MTHFD1L: variants seen among roughly 807,000 people sequenced by gnomAD.
MTHFD1L encodes methylenetetrahydrofolate dehydrogenase (NADP+ dependent) 1 like.
In MTHFD1L, 81 loss-of-function variants were observed where a neutral mutation model predicts 119.5. The observed-to-expected ratio is 0.68, with a 90% CI of 0.57 to 0.82. The LOEUF (loss-of-function observed/expected upper bound fraction) is 0.82, where lower values mean the gene tolerates loss of function less well. Among genes scored for constraint, MTHFD1L ranks in the 40% least tolerant of loss-of-function variants. MTHFD1L has a pLI of 0.00. For synonymous variants in MTHFD1L, 430 were observed against 475.2 expected (o/e 0.90, Z 1.24); for missense variants, 1,125 against 1,253.4 (o/e 0.90, Z 1.55).
chr6:150,902,217 C>T (rs773118286), intron 7 of MTHFD1L, among the ~76,000 whole-genome samples: 25 of 152,172 alleles, frequency 1.6e-4, no homozygotes, highest in Non-Finnish European at 2.8e-4. Flanking sequence ...TATTCAGATG[C>T]TTGTCCCTCC....
At chr6:150,938,918 C>CTA (rs1319799263) in intron 13 of MTHFD1L, among the ~76,000 whole-genome samples, 173 bp downstream of exon 13, 2 of 152,140 alleles carry the variant, frequency 1.3e-5, no homozygotes, top group African/African-American at 2.4e-5. Flanking sequence ...CTAGTATTTA[C>CTA]TGTGATGAGC....
intron 3 of MTHFD1L, 24 bp from the exon 4 acceptor site, chr6:150,877,749 A>C: frequency 6.2e-7 from 1 of 1,614,242 alleles, no homozygotes; most frequent in Non-Finnish European, 8.5e-7. Context: ...TATAGTGACG[A>C]ATAACCTTGT....
At chr6:150,912,325 G>C (rs1787054571) in intron 8 of MTHFD1L, among the ~76,000 whole-genome samples, 1 of 149,082 alleles carries the variant, frequency 6.7e-6, no homozygotes, top group Non-Finnish European at 1.5e-5. Context: ...AGTTCTACCT[G>C]TACTGATTTC....
At chr6:150,940,890 C>A (rs1247287989) in intron 13 of MTHFD1L, among the ~76,000 whole-genome samples, 2 of 152,038 alleles carry the variant, frequency 1.3e-5, no homozygotes, top group South Asian at 4.2e-4. Context: ...AAGAAGACTA[C>A]CTTATGAGGG....
intron 1 of MTHFD1L, among the ~76,000 whole-genome samples, chr6:150,868,758 T>A (rs1047872499): frequency 3.3e-5 from 5 of 152,142 alleles, no homozygotes; most frequent in Non-Finnish European, 7.4e-5. Context: ...GGTACATTTA[T>A]AACAAGAGAA....
chr6:151,054,542 A>G (rs1053335549), intron 26 of MTHFD1L, among the ~76,000 whole-genome samples: 2 of 152,204 alleles, frequency 1.3e-5, no homozygotes, highest in African/African-American at 2.4e-5. Flanking sequence ...TGTTATCAAC[A>G]TGCAGTCAGT....
chr6:151,007,965 G>A (rs1781634598), intron 20 of MTHFD1L, among the ~76,000 whole-genome samples: 2 of 152,248 alleles, frequency 1.3e-5, no homozygotes, highest in South Asian at 2.1e-4. Flanking sequence ...TATCCAAATT[G>A]AACATTTTTG....
Position 151,014,936 on chromosome 6 carries a change from T to C in MTHFD1L, c.2364T>C (p.Thr788=), listed in dbSNP as rs760845509. Reference sequence around the variant, plus strand: ...ACCTCCAGAAGCAAATTCAGATCACTCAGCTCTTTGGGGTTCCCGTTGTGG... The same window carrying C: ...ACCTCCAGAAGCAAATTCAGATCACCCAGCTCTTTGGGGTTCCCGTTGTGG... The part of the protein sequence containing the change: ...CCNLQKQIQI[T]QLFGVPVVVA... Residue 788 remains threonine, a synonymous_variant, in exon 23 of 28, where the codon ACT becomes ACC. Transcript: ENST00000367321. 5.6e-6 allele frequency: 9 copies of C among 1,614,108 alleles called. No homozygotes were observed. The East Asian group carries it at 6.7e-5, about 12-fold the overall frequency.
intron 13 of MTHFD1L, among the ~76,000 whole-genome samples, chr6:150,943,806 A>G (rs964486461): frequency 2.0e-5 from 3 of 152,254 alleles, no homozygotes; most frequent in Non-Finnish European, 4.4e-5. Context: ...AAGGAAAATA[A>G]CAGAATGAGT....
Position 150,926,572 on chromosome 6 carries a change from T to C in MTHFD1L, c.1256+277T>C, listed in dbSNP as rs75395177. ...ATTACCCCTGCTCCTCCTTGACTTT[T>C]TGAATTTCATTTTTCATTATAAAAA... On this transcript the variant is annotated intron_variant, in intron 11 of 27. Transcript: ENST00000367321. This position sits in a 1 kb window ranked among gnomAD's most constrained non-coding sequence, Gnocchi z 4.3. 6.6e-6 allele frequency among the ~76,000 whole-genome samples: 1 copy of C among 152,364 alleles called. No homozygotes were observed. The highest frequency in any genetic ancestry group is 1.9e-4 in the East Asian group (1 of 5,192).
intron 24 of MTHFD1L, chr6:151,022,351 T>C (rs766741066): frequency 1.3e-5 from 3 of 237,586 alleles, no homozygotes; most frequent in Non-Finnish European, 2.6e-5. Flanking sequence ...CACATTGAAA[T>C]AAACATTTAA....
At chr6:150,952,617 A>G (rs1270031466) in intron 16 of MTHFD1L, among the ~76,000 whole-genome samples, 2 of 151,834 alleles carry the variant, frequency 1.3e-5, no homozygotes, top group Admixed American at 6.6e-5. Flanking sequence ...GCAACCTCCA[A>G]CTCCCTGGAT....
chr6:151,009,739 C>T, intron 20 of MTHFD1L, 80 bp from the exon 21 acceptor site: 5 of 1,488,738 alleles, frequency 3.4e-6, no homozygotes, highest in Non-Finnish European at 4.6e-6. Context: ...GTCCTTTGAG[C>T]TCGAATCATA....
intron 27 of MTHFD1L, chr6:151,099,988 T>A: frequency 1.1e-5 from 8 of 758,672 alleles, no homozygotes; most frequent in East Asian, 2.5e-5. Context: ...CCATCTGGCA[T>A]CTTCCTTTAA....
chr6:151,050,408 C>T (rs1413083632), intron 26 of MTHFD1L, among the ~76,000 whole-genome samples: 5 of 152,176 alleles, frequency 3.3e-5, no homozygotes, highest in African/African-American at 9.7e-5. Context: ...GTGACCCGCC[C>T]GCCTTGGCCT....
chr6:150,912,579 G>A (rs1787102266), intron 8 of MTHFD1L: 3 of 359,062 alleles, frequency 8.4e-6, no homozygotes, highest in Admixed American at 6.2e-5. Context: ...TCCCAGGGTG[G>A]TCTCTGCACT....
chr6:151,053,864 A>G (rs1273545056), intron 26 of MTHFD1L, among the ~76,000 whole-genome samples: 1 of 152,016 alleles, frequency 6.6e-6, no homozygotes, highest in Non-Finnish European at 1.5e-5. Context: ...CATCTCAAAA[A>G]AAAAAAAAAA....
At position 151,015,667 on chromosome 6, in the gene MTHFD1L, C is replaced by T. The variant is rs1782942500; in HGVS notation, c.2560C>T (p.Arg854Ter). 1.2e-6 allele frequency: 2 copies of T among 1,613,790 alleles called. No individual in the cohort carries two copies. The highest frequency in any genetic ancestry group is 2.2e-5 in the East Asian group (1 of 44,880). The change falls in exon 24 of 28, where the codon CGA becomes TGA. Residue 854 changes from arginine to a stop codon, truncating the protein, a stop_gained. Coordinates refer to ENST00000367321, the MANE Select transcript of MTHFD1L (RefSeq NM_015440.5). LOFTEE classifies it high-confidence loss of function. ...AVREAASKRSRFQFLYDVQVP... is the reference protein window; with the variant it reads ...AVREAASKRS ...GAGAGAGGCTGCGAGTAAAAGAAGC[C>T]GATTCCAGTTCCTGTATGATGTTCA...
intron 26 of MTHFD1L, among the ~76,000 whole-genome samples, chr6:151,059,711 G>A (rs566228637): frequency 1.3e-5 from 2 of 151,646 alleles, no homozygotes; most frequent in South Asian, 2.1e-4. Flanking sequence ...GAGCAGTTTC[G>A]AAAGTGGAAA....
Sources: allele counts gnomAD v4.1 joint callset (sites outside exome capture counted in the v4.1 genomes callset), GRCh38; gene constraint gnomAD v4.1.1; non-coding constraint Gnocchi (gnomAD v3.1); transcripts MANE v1.5; gene names NCBI Gene and HGNC (gene_info 2026-07-23, HGNC 2026-07-21).